COX6A2: variants seen among roughly 807,000 people sequenced by gnomAD.
COX6A2 encodes the protein cytochrome c oxidase subunit 6A2, mitochondrial.
A neutral mutation model predicts 7.2 loss-of-function variants in COX6A2; 5 were observed. The observed-to-expected ratio is 0.69, with a 90% CI of 0.36 to 1.45. The LOEUF is 1.45. COX6A2 is among the 40% of genes most tolerant of loss of function. The pLI is 0.03. For missense variants in COX6A2, 174 were observed against 137.7 expected (o/e 1.26, Z -1.32); for synonymous variants, 63 against 55.9 (o/e 1.13, Z -0.56).
rs1373484237 is a variant in COX6A2 at position 31,427,757 on chromosome 16, CG to C, written c.*16del. 2.9e-6 allele frequency: 4 copies of C among 1,391,658 alleles called. No individual in the cohort carries two copies. The highest frequency in any genetic ancestry group is 3.7e-6 in the Non-Finnish European group (4 of 1,067,522). 86.2% of individuals were successfully genotyped at this position (1,391,658 alleles called of 1,614,324 possible). A position where few individuals can be genotyped will look rare whatever the true frequency, so the allele number is the denominator to read the frequency against. On this transcript the variant is annotated 3_prime_UTR_variant, in exon 3 of 3. Coordinates refer to ENST00000287490, the MANE Select transcript of COX6A2 (RefSeq NM_005205.4). ...CGAAGCTTCACACCTTTATTGTGTC[CG>C]GGGGCGTCCGGGGCCTCAGGGGTGT...
At position 31,428,025 on chromosome 16, in the gene COX6A2, A is replaced by AT; in HGVS notation, c.199dup (p.Ile67AsnfsTer19). ...GCCCGTCCCGCGTACCTTGGTGCGG[A>AT]TGCGGAGGTGTTGGTAGGGACGGAA... On this transcript the variant is annotated frameshift_variant, in exon 2 of 3. Transcript: ENST00000287490. LOFTEE classifies it high-confidence loss of function. 1 of 1,469,578 alleles carries AT rather than the reference A, an allele frequency of 6.8e-7. No homozygotes were observed. Among genetic ancestry groups the AT allele is most frequent in the African/African-American group, 1.5e-5 (1 of 66,346 alleles). The allele number at this position is 1,469,578 out of a possible 1,614,324, so 91.0% of individuals were successfully genotyped here.
rs768426841 is a variant in COX6A2, at chr16:31,427,767, C to T, written c.*7G>A. 6.4e-6 allele frequency: 9 copies of T among 1,407,058 alleles called. No individual in the cohort carries two copies. The highest frequency in any genetic ancestry group is 3.0e-5 in the Admixed American group (1 of 32,982). The allele number at this position is 1,407,058 out of a possible 1,614,324, so 87.2% of individuals were successfully genotyped here. On this transcript the variant is annotated 3_prime_UTR_variant, in exon 3 of 3. Transcript: ENST00000287490. ...CACCTTTATTGTGTCCGGGGGCGTC[C>T]GGGGCCTCAGGGGTGTTCGTAGCCC...
chr16:31,428,096 GC>G lies in COX6A2; in HGVS notation c.128del (p.Cys43SerfsTer45). ...CCGAGTGGAGATAGGAGTTGAAGGTGCAGAGGGCCACGCTGGGCAGCGCCAG... is the reference window on the plus strand; with the variant it reads ...CCGAGTGGAGATAGGAGTTGAAGGTGAGAGGGCCACGCTGGGCAGCGCCAG... Reference protein sequence around the residue: ...FVLALPSVALCTFNSYLHSGH... With the variant: ...FVLALPSVALXTFNSYLHSGH... On this transcript the variant is annotated frameshift_variant, in exon 2 of 3. Transcript: ENST00000287490. LOFTEE classifies it high-confidence loss of function. 1 of 1,561,752 alleles carries G rather than the reference GC, an allele frequency of 6.4e-7. No homozygotes were observed. Among genetic ancestry groups the G allele is most frequent in the South Asian group, 1.2e-5 (1 of 84,598 alleles).
At chr16:31,427,918 G>GCCCCCCGCGCCCCC in intron 2 of COX6A2, 61 bp from the exon 3 acceptor site, 10 of 309,304 alleles carry the variant, frequency 3.2e-5, no homozygotes, top group South Asian at 1.7e-4. Flanking sequence ...TCCGCGCCCC[G>GCCCCCCGCGCCCCC]CGCGACCCCC....
rs1472184180 is a variant in COX6A2 at position 31,428,125 on chromosome 16, C to T, written c.100G>A (p.Val34Met). The T allele has an allele frequency of 8.9e-6, 14 of 1,572,764 alleles. No homozygotes were observed. Among genetic ancestry groups the T allele is most frequent in the African/African-American group, 2.7e-5 (2 of 73,782 alleles). Residue 34 changes from valine to methionine, a missense_variant, in exon 2 of 3, where the codon GTG (valine) becomes ATG (methionine). Coordinates refer to ENST00000287490, the MANE Select transcript of COX6A2 (RefSeq NM_005205.4). ...GARTWRLLTFVLALPSVALCT... is the reference protein window; with the variant it reads ...GARTWRLLTFMLALPSVALCT... ...AGGGCCACGCTGGGCAGCGCCAGCACGAAGGTCAGCAGACGCCAGGTACGA... is the reference window on the plus strand; with the variant it reads ...AGGGCCACGCTGGGCAGCGCCAGCATGAAGGTCAGCAGACGCCAGGTACGA...
At chr16:31,427,981 A>AC (rs1286439425) in intron 2 of COX6A2, 34 bp downstream of exon 2, 20 of 906,642 alleles carry the variant, frequency 2.2e-5, no homozygotes, top group Non-Finnish European at 2.6e-5. Flanking sequence ...CCCCCGCAGC[A>AC]CCCCCGTGCC....
rs141932185 is a variant in COX6A2 at position 31,427,856 on chromosome 16, G to A, written c.212C>T (p.Pro71Leu). Residue 71 changes from proline to leucine, a missense_variant and splice_region_variant, in exon 3 of 3, where the codon CCC becomes CTC. Transcript: ENST00000287490. ...GTGGTTGCCGTCCCCCCAGGGGTAG[G>A]GCTGTGGAGAGAGCGGGGGAGGGAG... ...PYQHLRIRTK[P>L]YPWGDGNHTL... 2.0e-5 allele frequency: 28 copies of A among 1,385,872 alleles called. No homozygotes were observed. The African/African-American group carries it at 3.4e-4, about 17-fold the overall frequency. 85.8% of individuals were successfully genotyped at this position (1,385,872 alleles called of 1,614,324 possible). A position where few individuals can be genotyped will look rare whatever the true frequency, so the allele number is the denominator to read the frequency against.
At position 31,428,022 on chromosome 16, in the gene COX6A2, C is replaced by T. The variant is rs762324971; in HGVS notation, c.203G>A (p.Arg68His). The stretch of plus-strand genomic sequence containing the variant: ...CGCGCCCGTCCCGCGTACCTTGGTG[C>T]GGATGCGGAGGTGTTGGTAGGGACG... ...EFRPYQHLRI[R>H]TKPYPWGDGN... Residue 68 changes from arginine to histidine, a missense_variant, in exon 2 of 3, where the codon CGC (arginine) becomes CAC (histidine). By Grantham distance (29) the Arg-to-His change is conservative. Coordinates refer to ENST00000287490, the MANE Select transcript of COX6A2 (RefSeq NM_005205.4). The T allele has an allele frequency of 1.1e-4, 164 of 1,477,752 alleles. 1 individual carries two copies. Among genetic ancestry groups the T allele is most frequent in the Non-Finnish European group, 1.4e-4 (151 of 1,112,108 alleles). The allele number at this position is 1,477,752 out of a possible 1,614,324, so 91.5% of individuals were successfully genotyped here.
In COX6A2 at chr16:31,428,333, C is replaced by T; in HGVS notation, c.-8G>A. The T allele has an allele frequency of 1.9e-6, 3 of 1,593,104 alleles. No homozygotes were observed. The highest frequency in any genetic ancestry group is 1.7e-6 in the Non-Finnish European group (2 of 1,170,244). On this transcript the variant is annotated 5_prime_UTR_variant, in exon 1 of 3. Coordinates refer to ENST00000287490, the MANE Select transcript of COX6A2 (RefSeq NM_005205.4). ...CCTCAGAGGCAAAGCCATGATGGTG[C>T]GGGGAGCCGGGAACCAGCGCTGTCC...
chr16:31,427,926 C>CA, intron 2 of COX6A2, 69 bp from the exon 3 acceptor site: 1 of 321,402 alleles, frequency 3.1e-6, no homozygotes, highest in Non-Finnish European at 4.2e-6. Context: ...CCGCGCGACC[C>CA]CCCCCCCGCA....
chr16:31,427,745 C>A lies in COX6A2; in HGVS notation c.*29G>T, dbSNP rs201513300. The A allele has an allele frequency of 1.5e-6, 2 of 1,373,334 alleles. No homozygotes were observed. The highest frequency in any genetic ancestry group is 9.5e-7 in the Non-Finnish European group (1 of 1,056,546). The allele number at this position is 1,373,334 out of a possible 1,614,324, so 85.1% of individuals were successfully genotyped here. On this transcript the variant is annotated 3_prime_UTR_variant, in exon 3 of 3. Transcript: ENST00000287490. ...GAGCCGCAGACTCGAAGCTTCACAC[C>A]TTTATTGTGTCCGGGGGCGTCCGGG...
chr16:31,427,983 C>A, intron 2 of COX6A2, 32 bp downstream of exon 2: 1 of 1,281,458 alleles, frequency 7.8e-7, no homozygotes. Flanking sequence ...CCCGCAGCAC[C>A]CCCGTGCCGC....
At chr16:31,427,961 C>G in intron 2 of COX6A2, 54 bp downstream of exon 2, 3 of 375,264 alleles carry the variant, frequency 8.0e-6, no homozygotes, top group Non-Finnish European at 6.9e-6. Flanking sequence ...CCCCGCAGCA[C>G]CCCCCCCCGC....
At chr16:31,427,939 AC>A (rs1193111580) in intron 2 of COX6A2, 75 bp downstream of exon 2, 2,031 of 19,442 alleles carry the variant, frequency 0.1, 455 homozygotes, top group African/African-American at 0.54. Flanking sequence ...CCCCCGCAGC[AC>A]CCCCCCCCGC....
chr16:31,428,144 G>A lies in COX6A2; in HGVS notation c.81C>T (p.Thr27=), dbSNP rs755953945. Residue 27 remains threonine (T), a synonymous_variant, in exon 2 of 3, where the codon ACC becomes ACT. Transcript: ENST00000287490. The part of the protein sequence containing the change: ...KGGHGGAGAR[T]WRLLTFVLAL... Reference sequence around the variant, plus strand: ...CCAGCACGAAGGTCAGCAGACGCCAGGTACGAGCTGCGGACGGAGCGGGGT... The same window carrying A: ...CCAGCACGAAGGTCAGCAGACGCCAAGTACGAGCTGCGGACGGAGCGGGGT... 299 of 1,572,776 alleles carry A rather than the reference G, an allele frequency of 1.9e-4. No individual in the cohort carries two copies. Among genetic ancestry groups the A allele is most frequent in the Non-Finnish European group, 2.5e-4 (292 of 1,160,158 alleles).
chr16:31,427,911 G>A, intron 2 of COX6A2, 54 bp from the exon 3 acceptor site: 1 of 364,810 alleles, frequency 2.7e-6, no homozygotes, highest in Non-Finnish European at 3.4e-6. Context: ...TCCGGAGTCC[G>A]CGCCCCGCGC....
intron 2 of COX6A2, 49 bp downstream of exon 2, chr16:31,427,966 C>T (rs1408624353): frequency 1.2e-5 from 11 of 935,532 alleles, no homozygotes; most frequent in South Asian, 5.0e-5. Flanking sequence ...CAGCACCCCC[C>T]CCCGCCCCCG....
chr16:31,428,194 G>A (rs1391127688), intron 1 of COX6A2, 43 bp from the exon 2 acceptor site: 8 of 1,550,694 alleles, frequency 5.2e-6, no homozygotes, highest in Non-Finnish European at 6.1e-6. Flanking sequence ...TGGGGCGGCG[G>A]GCCTGTGAAC....
chr16:31,428,091 A>C lies in COX6A2; in HGVS notation c.134T>G (p.Phe45Cys), dbSNP rs1237702618. The change falls in exon 2 of 3, where the codon TTC becomes TGC. Residue 45 changes from phenylalanine to cysteine, a missense_variant. Transcript: ENST00000287490. ...LALPSVALCTFNSYLHSGHRP... is the reference protein window; with the variant it reads ...LALPSVALCTCNSYLHSGHRP... Reference sequence around the variant, plus strand: ...GTGGCCCGAGTGGAGATAGGAGTTGAAGGTGCAGAGGGCCACGCTGGGCAG... The same window carrying C: ...GTGGCCCGAGTGGAGATAGGAGTTGCAGGTGCAGAGGGCCACGCTGGGCAG... The C allele has an allele frequency of 6.4e-6, 10 of 1,559,108 alleles. No individual in the cohort carries two copies. In the South Asian group the frequency reaches 1.1e-4, roughly 17 times the overall value.
Sources: gnomAD v4.1 joint callset for allele counts on GRCh38, gnomAD v4.1.1 for gene constraint, MANE v1.5 for transcripts, NCBI Gene and HGNC (gene_info 2026-07-23, HGNC 2026-07-21) for gene names.